RYK: variants seen among roughly 807,000 people sequenced by gnomAD.
RYK encodes the protein inactive tyrosine-protein kinase RYK.
A neutral mutation model predicts 70.2 loss-of-function variants in RYK; 21 were observed. That is an observed-to-expected ratio of 0.30 (90% CI 0.21 to 0.43). RYK has a LOEUF of 0.43. Ranked by LOEUF, RYK falls within the 20% of genes least tolerant of loss-of-function variation. The pLI, the probability that RYK is intolerant of heterozygous loss-of-function variation, is 1.00. For synonymous variants in RYK, 267 were observed against 278.0 expected, an observed-to-expected ratio of 0.96 and a Z score of 0.39; for missense variants, 604 against 753.3, an observed-to-expected ratio of 0.80 and a Z score of 2.32.
At chr3:134,175,378 C>A (rs931839810) in intron 13 of RYK, among the ~76,000 whole-genome samples, 2 of 151,220 alleles carry the variant, frequency 1.3e-5, no homozygotes, top group Non-Finnish European at 2.9e-5. Context: ...TCTGTCAGAG[C>A]AGTACTGTGA....
intron 7 of RYK, among the ~76,000 whole-genome samples, chr3:134,192,878 G>C (rs1193839702): frequency 2.6e-5 from 4 of 152,122 alleles, no homozygotes; most frequent in African/African-American, 9.7e-5. Flanking sequence ...AGACTGTCTA[G>C]GTGTGTGAGT....
chr3:134,187,203 T>C (rs1289874865), intron 9 of RYK, among the ~76,000 whole-genome samples: 1 of 152,226 alleles, frequency 6.6e-6, no homozygotes, highest in Non-Finnish European at 1.5e-5. Flanking sequence ...ACAAACAATT[T>C]TGTTCAATTA....
intron 13 of RYK, among the ~76,000 whole-genome samples, chr3:134,161,665 A>C (rs1208532833): frequency 7.9e-5 from 12 of 152,344 alleles, no homozygotes; most frequent in Admixed American, 4.6e-4. Context: ...ACTTAAATGA[A>C]ATAAACAAAT....
Position 134,249,149 on chromosome 3 carries a change from T to G in RYK, c.232+1274A>C, listed in dbSNP as rs138931128. Among the ~76,000 whole-genome samples, 1,075 of 152,322 alleles carry G rather than the reference T, an allele frequency of 7.1e-3. 6 individuals carry two copies. The highest frequency in any genetic ancestry group is 9.6e-3 in the Non-Finnish European group (655 of 68,034). On this transcript the variant is annotated intron_variant, in intron 1 of 14. Coordinates refer to ENST00000623711, the MANE Select transcript of RYK (RefSeq NM_002958.4). ...TTATTTTTCCTAAATCTTAGTCTTGTGTTCCAAGTACTACCCCAAGTAGAG... is the reference window on the plus strand; with the variant it reads ...TTATTTTTCCTAAATCTTAGTCTTGGGTTCCAAGTACTACCCCAAGTAGAG...
chr3:134,233,400 C>T (rs558290703), intron 1 of RYK, among the ~76,000 whole-genome samples: 13 of 152,206 alleles, frequency 8.5e-5, no homozygotes, highest in South Asian at 6.2e-4. Context: ...GGTTATGACA[C>T]GTAATTTGTG....
chr3:134,224,880 G>A (rs530996344), intron 1 of RYK, among the ~76,000 whole-genome samples: 1 of 152,292 alleles, frequency 6.6e-6, no homozygotes, highest in East Asian at 1.9e-4. Context: ...TATAATATTG[G>A]AATAAAGAGT....
In RYK at chr3:134,185,902, C is replaced by G. The variant is rs151199767; in HGVS notation, c.1103-2831G>C. On this transcript the variant is annotated intron_variant, in intron 9 of 14. Transcript: ENST00000623711. ...ACACTTGAATGATGATCTAAGAAAACTCAATTAAAGATAAAATAACTTTAT... is the reference window on the plus strand; with the variant it reads ...ACACTTGAATGATGATCTAAGAAAAGTCAATTAAAGATAAAATAACTTTAT... 5.7e-4 allele frequency among the ~76,000 whole-genome samples: 86 copies of G among 152,174 alleles called. No individual in the cohort carries two copies. The East Asian group carries it at 0.015, about 27-fold the overall frequency.
At chr3:134,215,168 C>G (rs2014514918) in intron 2 of RYK, among the ~76,000 whole-genome samples, 1 of 152,128 alleles carries the variant, frequency 6.6e-6, no homozygotes. Flanking sequence ...GACCAGAGAC[C>G]AGAACCCCAA....
chr3:134,248,215 T>C (rs756883788), intron 1 of RYK, among the ~76,000 whole-genome samples: 4 of 152,148 alleles, frequency 2.6e-5, no homozygotes, highest in Admixed American at 2.6e-4. Context: ...GAGAAAATAC[T>C]ACTAGAAGTC....
chr3:134,242,305 C>CAA (rs1164147101), intron 1 of RYK, among the ~76,000 whole-genome samples: 1 of 114,470 alleles, frequency 8.7e-6, no homozygotes, highest in Non-Finnish European at 1.9e-5. Context: ...AACTCCGTCT[C>CAA]AAAAAAAAAA....
At chr3:134,175,319 G>T (rs2013059074) in intron 13 of RYK, among the ~76,000 whole-genome samples, 1 of 151,112 alleles carries the variant, frequency 6.6e-6, no homozygotes, top group African/African-American at 2.5e-5. Context: ...CTCCAGCCTG[G>T]GCTACAAGAG....
In RYK at chr3:134,175,023, G is replaced by A. The variant is rs138082683; in HGVS notation, c.1575+586C>T. Among the ~76,000 whole-genome samples, 16 of 152,290 alleles carry A rather than the reference G, an allele frequency of 1.1e-4. No homozygotes were observed. The East Asian group carries it at 2.9e-3, about 28-fold the overall frequency. On this transcript the variant is annotated intron_variant, in intron 13 of 14. Transcript: ENST00000623711. Reference sequence around the variant, plus strand: ...TCACCTTTAAAACTGGGATACCACAGCCTATCTCCTAGTGTTAATAGTGCT... The same window carrying A: ...TCACCTTTAAAACTGGGATACCACAACCTATCTCCTAGTGTTAATAGTGCT...
intron 2 of RYK, among the ~76,000 whole-genome samples, chr3:134,214,646 C>A (rs2014497858): frequency 6.6e-6 from 1 of 152,222 alleles, no homozygotes; most frequent in Non-Finnish European, 1.5e-5. Context: ...AGAAAAGGAG[C>A]TCTTACACAA....
intron 5 of RYK, among the ~76,000 whole-genome samples, chr3:134,204,538 G>GTTTTT (rs2014140064): frequency 6.7e-6 from 1 of 148,986 alleles, no homozygotes; most frequent in South Asian, 2.1e-4. Context: ...AAATAAGAGA[G>GTTTTT]ACAAAAAGAA....
At chr3:134,170,747 A>T (rs1313069885) in intron 13 of RYK, 1 of 152,440 alleles carries the variant, frequency 6.6e-6, no homozygotes, top group African/African-American at 2.4e-5. Flanking sequence ...AAACAAAAAA[A>T]TAAAAAACAA....
At position 134,158,037 on chromosome 3, in the gene RYK, T is replaced by C. The variant is rs2012310615; in HGVS notation, c.*116A>G. The C allele has an allele frequency of 4.5e-6, 2 of 444,296 alleles. No homozygotes were observed. Among genetic ancestry groups the C allele is most frequent in the Admixed American group, 4.3e-5 (1 of 23,356 alleles). 27.5% of individuals were successfully genotyped at this position (444,296 alleles called of 1,614,324 possible). The stretch of plus-strand genomic sequence containing the variant: ...TCTAAAGCATTTCTAAGGCACGGTG[T>C]TCTGGAAGACAAATGTGCTTCTGTT... On this transcript the variant is annotated 3_prime_UTR_variant, in exon 15 of 15. Coordinates refer to ENST00000623711, the MANE Select transcript of RYK (RefSeq NM_002958.4).
intron 2 of RYK, among the ~76,000 whole-genome samples, chr3:134,212,332 G>C (rs907167644): frequency 1.3e-5 from 2 of 152,240 alleles, no homozygotes; most frequent in Non-Finnish European, 2.9e-5. Flanking sequence ...GAGAGTTCAT[G>C]AAAGAAGCAG....
At position 134,219,365 on chromosome 3, in the gene RYK, GTTTTA is replaced by G. The variant is rs1383444530; in HGVS notation, c.354+3048_354+3052del. ...GTTTTAAAGGAATCAGTAAAAGAAG[GTTTTA>G]TTTTGTTCAGTCCTGACTGCCACTT... On this transcript the variant is annotated intron_variant, in intron 2 of 14. Transcript: ENST00000623711. Among the ~76,000 whole-genome samples, 5 of 152,098 alleles carry G rather than the reference GTTTTA, an allele frequency of 3.3e-5. 1 individual carries two copies. The highest frequency in any genetic ancestry group is 7.4e-5 in the Non-Finnish European group (5 of 68,014).
Position 134,200,871 on chromosome 3 carries a change from A to C in RYK, c.788+1859T>G, listed in dbSNP as rs561141561. Among the ~76,000 whole-genome samples the C allele has an allele frequency of 1.3e-5, 2 of 152,360 alleles. 1 individual carries two copies. On this transcript the variant is annotated intron_variant, in intron 6 of 14. Transcript: ENST00000623711. The stretch of plus-strand genomic sequence containing the variant: ...CTGGTTTTACTCAGGTAATGTCTGG[A>C]AACTTTTGCCTGAAAACTAAAGAGA...
Sources: allele counts gnomAD v4.1 joint callset (sites outside exome capture counted in the v4.1 genomes callset), GRCh38; gene constraint gnomAD v4.1.1; transcripts MANE v1.5; gene names NCBI Gene and HGNC (gene_info 2026-07-23, HGNC 2026-07-21).